The following SESTD1 variants were observed in gnomAD, a reference collection of about 807,000 sequenced individuals.
SESTD1 encodes the protein SEC14 domain and spectrin repeat-containing protein 1.
SESTD1 carries 43 observed loss-of-function variants against 101.7 expected under a neutral mutation model. That is an observed-to-expected ratio of 0.42 (90% CI 0.33 to 0.55). The LOEUF is 0.55. Ranked by LOEUF, SESTD1 falls within the 20% of genes least tolerant of loss-of-function variation. SESTD1 has a pLI of 0.07. For missense variants in SESTD1, 647 were observed against 815.1 expected, an observed-to-expected ratio of 0.79 and a Z score of 2.51; for synonymous variants, 283 against 286.8, an observed-to-expected ratio of 0.99 and a Z score of 0.13.
At chr2:179,152,667 G>A (rs1393798179) in intron 5 of SESTD1, among the ~76,000 whole-genome samples, 1 of 152,136 alleles carries the variant, frequency 6.6e-6, no homozygotes, top group Non-Finnish European at 1.5e-5. Context: ...TTTGCCGGAA[G>A]AGGGAAAATT....
Position 179,115,112 on chromosome 2 carries a change from C to A in SESTD1, c.1792G>T (p.Val598Leu). The A allele has an allele frequency of 6.2e-7, 1 of 1,611,220 alleles. No homozygotes were observed. Residue 598 changes from valine (V) to leucine (L), a missense_variant, in exon 16 of 18, where the codon GTA becomes TTA. This residue lies in a region of SESTD1 where 476 missense variants were observed against 562.6 expected (regional missense o/e 0.85). Transcript: ENST00000428443. The part of the protein sequence containing the change: ...KQFTIASEER[V>L]HRLEMAIAFH... ...GCAATAGCCATTTCCAATCTATGTACTCTCTCTTCAGATGCTATTGTAAAT... is the reference window on the plus strand; with the variant it reads ...GCAATAGCCATTTCCAATCTATGTAATCTCTCTTCAGATGCTATTGTAAAT...
intron 17 of SESTD1, among the ~76,000 whole-genome samples, chr2:179,111,618 T>C (rs953365209): frequency 2.0e-5 from 3 of 152,208 alleles, no homozygotes; most frequent in Non-Finnish European, 4.4e-5. Context: ...TTTACTGGTT[T>C]GGTTACTCTA....
At chr2:179,188,420 T>C (rs1370805098) in intron 2 of SESTD1, among the ~76,000 whole-genome samples, 4 of 152,180 alleles carry the variant, frequency 2.6e-5, no homozygotes, top group African/African-American at 7.2e-5. Flanking sequence ...AGCGAGTCAC[T>C]TGAGCTCATG....
chr2:179,255,174 C>G (rs1290217246), intron 1 of SESTD1, among the ~76,000 whole-genome samples: 1 of 152,150 alleles, frequency 6.6e-6, no homozygotes, highest in East Asian at 1.9e-4. Flanking sequence ...TTAGGCCAAT[C>G]AATAATCCTA....
chr2:179,169,577 T>G (rs1224281386), intron 5 of SESTD1, among the ~76,000 whole-genome samples: 1 of 152,050 alleles, frequency 6.6e-6, no homozygotes, highest in Non-Finnish European at 1.5e-5. Context: ...TGAAAAACAT[T>G]AAGAATCATC....
At chr2:179,134,040 T>C (rs2045077718) in intron 9 of SESTD1, among the ~76,000 whole-genome samples, 1 of 152,248 alleles carries the variant, frequency 6.6e-6, no homozygotes, top group South Asian at 2.1e-4. Flanking sequence ...ATTTAATGTA[T>C]ATGAGAGTAT....
Position 179,105,098 on chromosome 2 carries a change from T to C in SESTD1, c.*4801A>G, listed in dbSNP as rs1177130883. 1 of 152,032 alleles carries C rather than the reference T, an allele frequency of 6.6e-6. No homozygotes were observed. The highest frequency in any genetic ancestry group is 1.5e-5 in the Non-Finnish European group (1 of 68,014). The allele number at this position is 152,032 out of a possible 1,614,324, so 9.4% of individuals were successfully genotyped here. A position where few individuals can be genotyped will look rare whatever the true frequency, so the allele number is the denominator to read the frequency against. ...TCAGTCGGCCATTTTCTGTTCATCA[T>C]CACTGCCTGAGTTTACCAAGAGACT... On this transcript the variant is annotated 3_prime_UTR_variant, in exon 18 of 18. Transcript: ENST00000428443.
chr2:179,160,487 T>C (rs1254248490), intron 5 of SESTD1, among the ~76,000 whole-genome samples: 1 of 151,724 alleles, frequency 6.6e-6, no homozygotes, highest in East Asian at 1.9e-4. Context: ...ATTATATTAA[T>C]TTAAAAATTA....
At chr2:179,124,852 G>T (rs770289738) in intron 10 of SESTD1, among the ~76,000 whole-genome samples, 2 of 152,092 alleles carry the variant, frequency 1.3e-5, no homozygotes, top group African/African-American at 4.8e-5. Context: ...AAGCCTGAAG[G>T]TGGGTTTGGG....
chr2:179,258,326 C>A (rs77532105), intron 1 of SESTD1, among the ~76,000 whole-genome samples: 1,755 of 152,244 alleles, frequency 0.012, 32 homozygotes, highest in African/African-American at 0.037. Context: ...ATTACTGAAT[C>A]ACAATTCATG....
chr2:179,167,644 A>G (rs1485154648), intron 5 of SESTD1, among the ~76,000 whole-genome samples: 1 of 152,240 alleles, frequency 6.6e-6, no homozygotes, highest in Non-Finnish European at 1.5e-5. Flanking sequence ...AGGGGGAAAA[A>G]AAGGCAAATA....
chr2:179,137,157 C>A (rs1024279123), intron 9 of SESTD1, among the ~76,000 whole-genome samples: 2 of 152,290 alleles, frequency 1.3e-5, no homozygotes, highest in East Asian at 1.9e-4. Flanking sequence ...CAATCCATAT[C>A]AATGTGACCC....
intron 5 of SESTD1, among the ~76,000 whole-genome samples, chr2:179,152,595 C>T (rs2045552368): frequency 6.6e-6 from 1 of 152,094 alleles, no homozygotes; most frequent in South Asian, 2.1e-4. Context: ...AAACAAGGTA[C>T]ATCCATACTG....
chr2:179,220,233 C>A (rs1395176929), intron 1 of SESTD1, among the ~76,000 whole-genome samples: 1 of 152,154 alleles, frequency 6.6e-6, no homozygotes, highest in East Asian at 1.9e-4. Context: ...TTCTACCAAA[C>A]CCTTATCAAC....
At chr2:179,143,536 T>C (rs1362541136) in intron 9 of SESTD1, 56 bp downstream of exon 9, 1 of 1,474,418 alleles carries the variant, frequency 6.8e-7, no homozygotes, top group Non-Finnish European at 9.4e-7. Flanking sequence ...GTCAGTCACA[T>C]AGTAGAAATT....
In SESTD1 at chr2:179,108,181, A is replaced by T. The variant is rs139933029; in HGVS notation, c.*1718T>A. The T allele has an allele frequency of 3.3e-5, 5 of 152,282 alleles. No homozygotes were observed. The East Asian group carries it at 9.6e-4, about 29-fold the overall frequency. The allele number at this position is 152,282 out of a possible 1,614,324, so 9.4% of individuals were successfully genotyped here. A position where few individuals can be genotyped will look rare whatever the true frequency, so the allele number is the denominator to read the frequency against. Reference sequence around the variant, plus strand: ...ATCCAGAACATTGGTATAAAATAAAAACTCTAAGGATGAGATACCGAGAAA... The same window carrying T: ...ATCCAGAACATTGGTATAAAATAAATACTCTAAGGATGAGATACCGAGAAA... On this transcript the variant is annotated 3_prime_UTR_variant, in exon 18 of 18. Coordinates refer to ENST00000428443, the MANE Select transcript of SESTD1 (RefSeq NM_178123.5).
intron 4 of SESTD1, 38 bp from the exon 5 acceptor site, chr2:179,172,271 T>A (rs748313259): frequency 7.6e-7 from 1 of 1,310,940 alleles, no homozygotes; most frequent in Non-Finnish European, 1.1e-6. Flanking sequence ...ATTACACATG[T>A]AAAATGAATA....
chr2:179,202,256 G>A (rs1324785769), intron 1 of SESTD1, among the ~76,000 whole-genome samples: 1 of 132,906 alleles, frequency 7.5e-6, no homozygotes, highest in East Asian at 2.0e-4. Context: ...CTTTTGCTGT[G>A]TCCCGCTACT....
intron 1 of SESTD1, among the ~76,000 whole-genome samples, chr2:179,222,317 A>T (rs984181281): frequency 6.6e-6 from 1 of 152,172 alleles, no homozygotes; most frequent in African/African-American, 2.4e-5. Flanking sequence ...CAATTCCTTT[A>T]ATTTCTTTTA....
Sources: gnomAD v4.1 joint callset for allele counts (sites outside exome capture counted in the v4.1 genomes callset) on GRCh38, gnomAD v4.1.1 for gene constraint, gnomAD v4.1.1 regional missense constraint, MANE v1.5 for transcripts, NCBI Gene and HGNC (gene_info 2026-07-23, HGNC 2026-07-21) for gene names.